Variants in LYPLAL1 observed in about 807,000 individuals in gnomAD.
LYPLAL1 encodes the protein lysophospholipase like 1, also known as lysophospholipase-like protein 1.
In LYPLAL1, 23 loss-of-function variants were observed where a neutral mutation model predicts 19.7. The observed-to-expected ratio is 1.17, with a 90% CI of 0.84 to 1.65. The LOEUF (loss-of-function observed/expected upper bound fraction) is 1.65, where lower values mean the gene tolerates loss of function less well. Among genes scored for constraint, LYPLAL1 ranks in the 40% most tolerant of loss-of-function variants. The pLI is 0.00. For missense variants in LYPLAL1, 355 were observed against 279.4 expected (o/e 1.27, Z -1.93); for synonymous variants, 119 against 96.3 (o/e 1.24, Z -1.38).
chr1:219,282,268 G>A, the LYPLAL1 span, among the ~76,000 whole-genome samples: 1 of 151,634 alleles, frequency 6.6e-6, no homozygotes, highest in Non-Finnish European at 1.5e-5. Flanking sequence ...TGTAAGATAG[G>A]GCCAAGCAAC....
At chr1:219,410,742 G>A in the LYPLAL1 span, among the ~76,000 whole-genome samples, 1 of 152,234 alleles carries the variant, frequency 6.6e-6, no homozygotes, top group Admixed American at 6.5e-5. Context: ...CCCCGCACTC[G>A]GAGCAGCCAG....
chr1:219,348,522 T>C, the LYPLAL1 span, among the ~76,000 whole-genome samples: 1 of 152,208 alleles, frequency 6.6e-6, no homozygotes, highest in Non-Finnish European at 1.5e-5. Context: ...AGAAAGAATA[T>C]GTCTTCAGTC....
chr1:219,369,594 C>T, the LYPLAL1 span, among the ~76,000 whole-genome samples: 1 of 152,170 alleles, frequency 6.6e-6, no homozygotes, highest in Non-Finnish European at 1.5e-5. Flanking sequence ...TATTTTAAGC[C>T]TTGTACGTGA....
chr1:219,211,488 C>G lies in LYPLAL1; in HGVS notation c.478-4C>G, dbSNP rs1659035525. Reference sequence around the variant, plus strand: ...CTTTTCTGTCTTTGTATCTTCTTCTCTAGGCTCTTCAGAAGAGTAATGGTG... The same window carrying G: ...CTTTTCTGTCTTTGTATCTTCTTCTGTAGGCTCTTCAGAAGAGTAATGGTG... On this transcript the variant is annotated splice_polypyrimidine_tract_variant and splice_region_variant and intron_variant, in intron 4 of 4. Coordinates refer to ENST00000366928, the MANE Select transcript of LYPLAL1 (RefSeq NM_138794.5). 6.5e-7 allele frequency: 1 copy of G among 1,543,952 alleles called. No individual in the cohort carries two copies. The highest frequency in any genetic ancestry group is 1.4e-5 in the African/African-American group (1 of 72,694).
At chr1:219,200,631 T>TG in intron 3 of LYPLAL1, 1 of 204,416 alleles carries the variant, frequency 4.9e-6, no homozygotes, top group South Asian at 9.1e-5. Flanking sequence ...AGATCTCTTT[T>TG]GGGGGTAGTG....
chr1:219,179,059 C>T lies in LYPLAL1; in HGVS notation c.92-88C>T, dbSNP rs954214768. On this transcript the variant is annotated intron_variant, in intron 1 of 4. Coordinates refer to ENST00000366928, the MANE Select transcript of LYPLAL1 (RefSeq NM_138794.5). ...GCTTTTTTAAATCCTTTATTCCATCCTCTGTGTGACATAAAAGTTTTAGAC... is the reference window on the plus strand; with the variant it reads ...GCTTTTTTAAATCCTTTATTCCATCTTCTGTGTGACATAAAAGTTTTAGAC... 2.1e-5 allele frequency: 17 copies of T among 808,362 alleles called. No individual in the cohort carries two copies. In the South Asian group the frequency reaches 3.0e-4, roughly 14 times the overall value. The allele number at this position is 808,362 out of a possible 1,614,324, so 50.1% of individuals were successfully genotyped here.
the LYPLAL1 span, among the ~76,000 whole-genome samples, chr1:219,431,443 AATGT>A: frequency 6.6e-6 from 1 of 152,162 alleles, no homozygotes; most frequent in African/African-American, 2.4e-5. Flanking sequence ...TGCTGCTGAC[AATGT>A]TGAAGCAGGG....
chr1:219,217,159 A>G (rs1020183046), downstream of LYPLAL1, among the ~76,000 whole-genome samples: 4 of 152,096 alleles, frequency 2.6e-5, no homozygotes, highest in Non-Finnish European at 5.9e-5. Flanking sequence ...TGTGCCATTC[A>G]TGTTTAAAAT....
chr1:219,211,362 C>G, intron 4 of LYPLAL1, 130 bp from the exon 5 acceptor site: 1 of 674,954 alleles, frequency 1.5e-6, no homozygotes, highest in East Asian at 2.5e-5. Flanking sequence ...ACAGCACTCC[C>G]TCTGCCTTTT....
chr1:219,286,258 G>A, the LYPLAL1 span, among the ~76,000 whole-genome samples: 45 of 152,118 alleles, frequency 3.0e-4, no homozygotes, highest in Admixed American at 1.8e-3. Context: ...AGATCATTTG[G>A]GGACTAGAAG....
the LYPLAL1 span, among the ~76,000 whole-genome samples, chr1:219,220,712 C>A: frequency 9.9e-5 from 15 of 151,986 alleles, no homozygotes; most frequent in African/African-American, 3.4e-4. Context: ...TTAAACAATT[C>A]TAGATCCTTG....
At chr1:219,227,422 T>C in the LYPLAL1 span, among the ~76,000 whole-genome samples, 3 of 152,222 alleles carry the variant, frequency 2.0e-5, no homozygotes, top group African/African-American at 7.2e-5. Context: ...TTTGGGCTTC[T>C]TCCTACTTAT....
chr1:219,303,996 G>T, the LYPLAL1 span, among the ~76,000 whole-genome samples: 1 of 152,124 alleles, frequency 6.6e-6, no homozygotes, highest in East Asian at 1.9e-4. Context: ...ATAGTTTTTA[G>T]TTGTTGCTTA....
chr1:219,259,408 CATATATAT>C, the LYPLAL1 span, among the ~76,000 whole-genome samples: 645 of 141,824 alleles, frequency 4.5e-3, 2 homozygotes, highest in Non-Finnish European at 7.6e-3. Flanking sequence ...GGTATATATA[CATATATAT>C]ATATATATAT....
At chr1:219,436,178 G>C in the LYPLAL1 span, among the ~76,000 whole-genome samples, 1 of 152,150 alleles carries the variant, frequency 6.6e-6, no homozygotes, top group Admixed American at 6.5e-5. Context: ...AAGACACCTG[G>C]GCAAGAGGCC....
rs547484810 is a variant in LYPLAL1, at chr1:219,210,662, TA to T, written c.477+24del. ...CTGTTTACCAGGTAAGTTCCAGATT[TA>T]AAAAAAAATGAAAAAAATATGAAAT... On this transcript the variant is annotated intron_variant, in intron 4 of 4. Coordinates refer to ENST00000366928, the MANE Select transcript of LYPLAL1 (RefSeq NM_138794.5). 1.6e-4 allele frequency: 251 copies of T among 1,569,558 alleles called. No homozygotes were observed. Among genetic ancestry groups the T allele is most frequent in the Admixed American group, 3.8e-4 (20 of 52,688 alleles).
the LYPLAL1 span, among the ~76,000 whole-genome samples, chr1:219,377,244 A>G: frequency 6.6e-6 from 1 of 152,208 alleles, no homozygotes; most frequent in East Asian, 1.9e-4. Flanking sequence ...CAAAAGGACA[A>G]ATACTGTATG....
Position 219,211,708 on chromosome 1 carries a change from G to A in LYPLAL1, c.694G>A (p.Glu232Lys), listed in dbSNP as rs778842473. 1 of 1,604,304 alleles carries A rather than the reference G, an allele frequency of 6.2e-7. No individual in the cohort carries two copies. The highest frequency in any genetic ancestry group is 8.5e-7 in the Non-Finnish European group (1 of 1,175,528). ...KLWILTKLPG[E>K]MEKQK ...ATGGATTCTTACAAAGCTGCCAGGA[G>A]AAATGGAAAAACAAAAATGAATGAA... The change falls in exon 5 of 5, where the codon GAA (glutamate) becomes AAA (lysine). Residue 232 changes from glutamate to lysine, a missense_variant. By Grantham distance (56) the Glu-to-Lys change is moderately conservative. Transcript: ENST00000366928.
chr1:219,306,781 GATAGATACATAGACAGATGC>G, the LYPLAL1 span, among the ~76,000 whole-genome samples: 3 of 150,096 alleles, frequency 2.0e-5, no homozygotes, highest in Non-Finnish European at 4.4e-5. Flanking sequence ...TAGATAGATA[GATAGATACATAGACAGATGC>G]ATAGATAGAT....
Sources: allele counts gnomAD v4.1 joint callset (sites outside exome capture counted in the v4.1 genomes callset), GRCh38; gene constraint gnomAD v4.1.1; transcripts MANE v1.5; gene names NCBI Gene and HGNC (gene_info 2026-07-23, HGNC 2026-07-21).